The following PPP1R21 variants were observed in gnomAD, a reference collection of about 807,000 sequenced individuals.
PPP1R21 encodes protein phosphatase 1 regulatory subunit 21, also known as KLRAQ motif containing 1.
Under a neutral mutation model 112.8 loss-of-function variants are expected in PPP1R21, and 85 were observed. The observed-to-expected ratio is 0.75, with a 90% CI of 0.63 to 0.90. The LOEUF (loss-of-function observed/expected upper bound fraction) is 0.90, where lower values mean the gene tolerates loss of function less well. Among genes scored for constraint, PPP1R21 ranks in the 40% least tolerant of loss-of-function variants. The probability of loss-of-function intolerance (pLI) is 0.00; values close to 1 mark genes in which losing one functional copy is unlikely to be tolerated. For synonymous variants in PPP1R21, 381 were observed against 322.3 expected (o/e 1.18, Z -1.95); for missense variants, 1,199 against 901.5 (o/e 1.33, Z -4.23).
In PPP1R21 at chr2:48,474,833, T is replaced by C. The variant is rs753047997; in HGVS notation, c.1225+14T>C. Reference sequence around the variant, plus strand: ...TTGCCTTGCCAAGTAAGTATGTTTGTTGCTTAGGGGTCAACTTCAAGGACT... The same window carrying C: ...TTGCCTTGCCAAGTAAGTATGTTTGCTGCTTAGGGGTCAACTTCAAGGACT... On this transcript the variant is annotated intron_variant, in intron 12 of 21. Transcript: ENST00000294952. The C allele has an allele frequency of 2.1e-5, 34 of 1,610,024 alleles. No individual in the cohort carries two copies. Among genetic ancestry groups the C allele is most frequent in the Middle Eastern group, 1.7e-4 (1 of 6,056 alleles).
chr2:48,491,930 C>G (rs532334779), intron 15 of PPP1R21, among the ~76,000 whole-genome samples: 3 of 152,088 alleles, frequency 2.0e-5, no homozygotes, highest in Non-Finnish European at 2.9e-5. Flanking sequence ...AGCAGGACTA[C>G]TTATAGACAG....
intron 2 of PPP1R21, among the ~76,000 whole-genome samples, chr2:48,452,419 G>A (rs1268457356): frequency 1.3e-5 from 2 of 152,128 alleles, no homozygotes; most frequent in Non-Finnish European, 2.9e-5. Context: ...AGAAACTGGA[G>A]TTTAGCGAAA....
intron 11 of PPP1R21, among the ~76,000 whole-genome samples, chr2:48,473,003 T>TA (rs1180323822): frequency 0.024 from 3,192 of 134,590 alleles, 101 homozygotes; most frequent in African/African-American, 0.068. Flanking sequence ...CCCTGTCTCT[T>TA]AAAAAAAAAA....
chr2:48,471,498 TC>T (rs1668494258), intron 11 of PPP1R21, 131 bp downstream of exon 11: 3 of 901,646 alleles, frequency 3.3e-6, no homozygotes, highest in East Asian at 2.6e-5. Context: ...AATTTGGACT[TC>T]CGTGAAAAAG....
At chr2:48,506,044 T>C (rs1670358267) in intron 18 of PPP1R21, among the ~76,000 whole-genome samples, 1 of 152,246 alleles carries the variant, frequency 6.6e-6, no homozygotes. Context: ...AGATTTGGCC[T>C]GTCAGATAGG....
At chr2:48,457,058 A>T (rs923645993) in intron 3 of PPP1R21, among the ~76,000 whole-genome samples, 1 of 152,092 alleles carries the variant, frequency 6.6e-6, no homozygotes, top group Non-Finnish European at 1.5e-5. Context: ...TCTCAAAAAA[A>T]AAAAGATACA....
chr2:48,461,718 A>T (rs1667986224), intron 7 of PPP1R21, among the ~76,000 whole-genome samples: 1 of 152,172 alleles, frequency 6.6e-6, no homozygotes, highest in Non-Finnish European at 1.5e-5. Context: ...AACAACAAAA[A>T]GTTAAAAAAT....
intron 21 of PPP1R21, among the ~76,000 whole-genome samples, chr2:48,513,366 G>A (rs1234746548): frequency 1.4e-5 from 2 of 148,006 alleles, no homozygotes; most frequent in East Asian, 3.9e-4. Context: ...CACCATGCCC[G>A]GCTAATTTTT....
intron 11 of PPP1R21, among the ~76,000 whole-genome samples, chr2:48,471,978 G>A (rs1195629021): frequency 6.6e-6 from 1 of 151,934 alleles, no homozygotes; most frequent in Non-Finnish European, 1.5e-5. Flanking sequence ...AGTGGCTCAC[G>A]CCTGTAATCC....
chr2:48,506,807 G>A (rs1024932222), intron 18 of PPP1R21, among the ~76,000 whole-genome samples: 4 of 152,098 alleles, frequency 2.6e-5, no homozygotes, highest in African/African-American at 7.2e-5. Context: ...TTAGCTGGGC[G>A]TGGTGGCGGG....
In PPP1R21 at chr2:48,465,457, A is replaced by G. The variant is rs138105946; in HGVS notation, c.748-36A>G. ...AAAGTTCTTTTAGGATAATAATTTG[A>G]GAGTTGACCTTAACTATATATTTTT... On this transcript the variant is annotated intron_variant, in intron 8 of 21. Transcript: ENST00000294952. 59 of 1,571,108 alleles carry G rather than the reference A, an allele frequency of 3.8e-5. No individual in the cohort carries two copies. In the East Asian group the frequency reaches 1.3e-3, roughly 34 times the overall value.
intron 7 of PPP1R21, among the ~76,000 whole-genome samples, chr2:48,463,099 G>A (rs1166589365): frequency 6.6e-6 from 1 of 152,186 alleles, no homozygotes; most frequent in African/African-American, 2.4e-5. Flanking sequence ...CTATATAACT[G>A]CTGATGTATG....
At chr2:48,511,544 G>A (rs1670643178) in intron 21 of PPP1R21, 76 bp downstream of exon 21, 2 of 1,545,506 alleles carry the variant, frequency 1.3e-6, no homozygotes, top group South Asian at 2.4e-5. Context: ...ATGCATTTCA[G>A]GAGGAAGAGG....
chr2:48,466,141 G>C (rs115829334), intron 9 of PPP1R21, among the ~76,000 whole-genome samples: 1 of 152,034 alleles, frequency 6.6e-6, no homozygotes, highest in South Asian at 2.1e-4. Flanking sequence ...CTCCCATAAC[G>C]TTTGGGAACT....
At chr2:48,451,341 C>G (rs1172136298) in intron 2 of PPP1R21, among the ~76,000 whole-genome samples, 1 of 152,188 alleles carries the variant, frequency 6.6e-6, no homozygotes, top group African/African-American at 2.4e-5. Flanking sequence ...AAGGCCTTTA[C>G]TTAGCTCGGT....
Position 48,478,280 on chromosome 2 carries a change from T to C in PPP1R21, c.1226-1644T>C, listed in dbSNP as rs140642814. Among the ~76,000 whole-genome samples, 750 of 152,350 alleles carry C rather than the reference T, an allele frequency of 4.9e-3. 4 individuals carry two copies. Among genetic ancestry groups the C allele is most frequent in the Non-Finnish European group, 8.3e-3 (567 of 68,044 alleles). ...ACTTCATTACAGCAGCACTAGGAAATTAATACAGGGAGTATTGCCATCTAA... is the reference window on the plus strand; with the variant it reads ...ACTTCATTACAGCAGCACTAGGAAACTAATACAGGGAGTATTGCCATCTAA... On this transcript the variant is annotated intron_variant, in intron 12 of 21. Coordinates refer to ENST00000294952, the MANE Select transcript of PPP1R21 (RefSeq NM_001135629.3).
chr2:48,507,167 C>A (rs1670419102), intron 18 of PPP1R21, 102 bp from the exon 19 acceptor site: 1 of 1,386,514 alleles, frequency 7.2e-7, no homozygotes, highest in Admixed American at 3.7e-5. Flanking sequence ...CATCAAAGTT[C>A]AAGTGAGAAT....
At chr2:48,466,223 T>C (rs1293574640) in intron 9 of PPP1R21, among the ~76,000 whole-genome samples, 1 of 151,622 alleles carries the variant, frequency 6.6e-6, no homozygotes, top group Admixed American at 6.6e-5. Flanking sequence ...TTTTTTTTTC[T>C]TTTTTTGAGG....
chr2:48,507,172 G>A (rs1670419305), intron 18 of PPP1R21, 97 bp from the exon 19 acceptor site: 2 of 1,399,754 alleles, frequency 1.4e-6, no homozygotes, highest in South Asian at 3.5e-5. Flanking sequence ...AAGTTCAAGT[G>A]AGAATGTACA....
Sources: gnomAD v4.1 joint callset for allele counts (sites outside exome capture counted in the v4.1 genomes callset) on GRCh38, gnomAD v4.1.1 for gene constraint, MANE v1.5 for transcripts, NCBI Gene and HGNC (gene_info 2026-07-23, HGNC 2026-07-21) for gene names.